The following ZNF382 variants were observed in gnomAD, a reference collection of about 807,000 sequenced individuals.
ZNF382 encodes the protein zinc finger protein 382.
A neutral mutation model predicts 38.8 loss-of-function variants in ZNF382; 20 were observed. The ratio of observed to expected loss-of-function variants is 0.51; its 90% confidence interval spans 0.36 to 0.75. The LOEUF (loss-of-function observed/expected upper bound fraction) is 0.75, where lower values mean the gene tolerates loss of function less well. Ranked by LOEUF, ZNF382 falls within the 30% of genes least tolerant of loss-of-function variation. ZNF382 has a pLI of 0.00. For synonymous variants in ZNF382, 202 were observed against 223.1 expected (o/e 0.91, Z 0.84); for missense variants, 546 against 654.1 (o/e 0.83, Z 1.80).
rs1033532701 is a variant in ZNF382, at chr19:36,628,534, A to G, written c.*984A>G. The G allele has an allele frequency of 2.0e-5, 3 of 152,820 alleles. No homozygotes were observed. Among genetic ancestry groups the G allele is most frequent in the African/African-American group, 7.2e-5 (3 of 41,464 alleles). The allele number at this position is 152,820 out of a possible 1,614,324, so 9.5% of individuals were successfully genotyped here. A position where few individuals can be genotyped will look rare whatever the true frequency, so the allele number is the denominator to read the frequency against. Reference sequence around the variant, plus strand: ...GAATGTGAATGTAATATATGTAGAAAAACATTTAGCCACAGCCCAAATCTT... The same window carrying G: ...GAATGTGAATGTAATATATGTAGAAGAACATTTAGCCACAGCCCAAATCTT... On this transcript the variant is annotated 3_prime_UTR_variant, in exon 5 of 5. Transcript: ENST00000292928.
At chr19:36,608,764 C>T (rs1479507045) in intron 2 of ZNF382, 1 of 152,260 alleles carries the variant, frequency 6.6e-6, no homozygotes, top group African/African-American at 2.4e-5. Context: ...CAAAGCTTAC[C>T]TCATTACTTC....
chr19:36,615,090 C>A (rs1327660956), intron 4 of ZNF382, among the ~76,000 whole-genome samples: 1 of 148,714 alleles, frequency 6.7e-6, no homozygotes, highest in Non-Finnish European at 1.5e-5. Context: ...TCAAATGATT[C>A]TTGTGCTTCA....
At position 36,626,385 on chromosome 19, in the gene ZNF382, AC is replaced by A. The variant is rs781264235; in HGVS notation, c.489del (p.Asp163GlufsTer21). The stretch of plus-strand genomic sequence containing the variant: ...AGCCCCATAAAAGAGAAGTTTGGTG[AC>A]AGTACTGGATGGGAGAAATCACTCC... ...NISPIKEKFG[D>X]STGWEKSLLN... On this transcript the variant is annotated frameshift_variant, in exon 5 of 5. Coordinates refer to ENST00000292928, the MANE Select transcript of ZNF382 (RefSeq NM_032825.5). LOFTEE classifies it high-confidence loss of function. The A allele has an allele frequency of 6.3e-7, 1 of 1,583,890 alleles. No individual in the cohort carries two copies. The highest frequency in any genetic ancestry group is 1.2e-5 in the South Asian group (1 of 84,940).
intron 3 of ZNF382, 106 bp from the exon 4 acceptor site, chr19:36,610,544 C>T (rs2037068879): frequency 1.3e-6 from 1 of 746,874 alleles, no homozygotes. Flanking sequence ...TTTGGTAAGA[C>T]ATTAATGTAT....
Position 36,627,645 on chromosome 19 carries a change from A to C in ZNF382, c.*95A>C, listed in dbSNP as rs1209373363. ...GTAATATCCAACAGTTTAAGGTACTATACCACATGGTAACCTACTGTTTGC... is the reference window on the plus strand; with the variant it reads ...GTAATATCCAACAGTTTAAGGTACTCTACCACATGGTAACCTACTGTTTGC... On this transcript the variant is annotated 3_prime_UTR_variant, in exon 5 of 5. Transcript: ENST00000292928. 1.3e-5 allele frequency: 11 copies of C among 839,074 alleles called. No homozygotes were observed. Among genetic ancestry groups the C allele is most frequent in the Non-Finnish European group, 1.9e-5 (10 of 536,734 alleles). 52.0% of individuals were successfully genotyped at this position (839,074 alleles called of 1,614,324 possible).
intron 1 of ZNF382, 23 bp from the exon 2 acceptor site, chr19:36,607,529 A>C: frequency 7.2e-7 from 1 of 1,397,820 alleles, no homozygotes; most frequent in East Asian, 2.5e-5. Flanking sequence ...ACATACGTAT[A>C]TCCTCCATCT....
At chr19:36,616,972 A>G (rs2145323218) in intron 4 of ZNF382, among the ~76,000 whole-genome samples, 1 of 152,164 alleles carries the variant, frequency 6.6e-6, no homozygotes, top group Admixed American at 6.5e-5. Flanking sequence ...TGAAGGGACA[A>G]TCAGAGGTGG....
Position 36,628,109 on chromosome 19 carries a change from A to G in ZNF382, c.*559A>G, listed in dbSNP as rs576662920. 1 of 152,726 alleles carries G rather than the reference A, an allele frequency of 6.5e-6. No homozygotes were observed. Among genetic ancestry groups the G allele is most frequent in the South Asian group, 2.1e-4 (1 of 4,852 alleles). The allele number at this position is 152,726 out of a possible 1,614,324, so 9.5% of individuals were successfully genotyped here. ...TCATATACAGCTTATTACCTTCATC[A>G]TGTCCGTGAGTCTAATCATTAGTAC... On this transcript the variant is annotated 3_prime_UTR_variant, in exon 5 of 5. Transcript: ENST00000292928.
At position 36,627,623 on chromosome 19, in the gene ZNF382, A is replaced by G. The variant is rs1029313657; in HGVS notation, c.*73A>G. ...GTAGATGATGTTGCTTGCAAGCGTA[A>G]TATCCAACAGTTTAAGGTACTATAC... On this transcript the variant is annotated 3_prime_UTR_variant, in exon 5 of 5. Coordinates refer to ENST00000292928, the MANE Select transcript of ZNF382 (RefSeq NM_032825.5). 3 of 1,161,228 alleles carry G rather than the reference A, an allele frequency of 2.6e-6. No individual in the cohort carries two copies. Among genetic ancestry groups the G allele is most frequent in the African/African-American group, 3.1e-5 (2 of 65,030 alleles). The allele number at this position is 1,161,228 out of a possible 1,614,324, so 71.9% of individuals were successfully genotyped here. A position where few individuals can be genotyped will look rare whatever the true frequency, so the allele number is the denominator to read the frequency against.
chr19:36,626,049 C>G (rs1432046638), intron 4 of ZNF382, 81 bp from the exon 5 acceptor site: 24 of 987,998 alleles, frequency 2.4e-5, no homozygotes, highest in Non-Finnish European at 3.2e-5. Context: ...GTGAGATAGT[C>G]CCACCATAGT....
intron 4 of ZNF382, among the ~76,000 whole-genome samples, chr19:36,623,793 C>CAA (rs11454382): frequency 0.015 from 1,927 of 131,930 alleles, 35 homozygotes; most frequent in African/African-American, 0.036. Flanking sequence ...GACTCTGTCT[C>CAA]AAAAAAAAAA....
intron 4 of ZNF382, among the ~76,000 whole-genome samples, chr19:36,616,988 G>C (rs1046242159): frequency 1.3e-5 from 2 of 152,102 alleles, no homozygotes; most frequent in African/African-American, 4.8e-5. Context: ...GGTGGTGAGA[G>C]GAGGAAGGAG....
At chr19:36,623,636 C>G (rs769739467) in intron 4 of ZNF382, among the ~76,000 whole-genome samples, 17 of 151,828 alleles carry the variant, frequency 1.1e-4, no homozygotes, top group African/African-American at 1.7e-4. Context: ...CTAAAAAATA[C>G]AAAAAACATC....
Position 36,630,030 on chromosome 19 carries a change from A to G in ZNF382, c.*2480A>G, listed in dbSNP as rs563252862. The stretch of plus-strand genomic sequence containing the variant: ...ATTTTGGCATGAAGAAAAACTGGCC[A>G]TAAAATACAGTTGAAGATTTGGCTG... On this transcript the variant is annotated 3_prime_UTR_variant, in exon 5 of 5. Coordinates refer to ENST00000292928, the MANE Select transcript of ZNF382 (RefSeq NM_032825.5). The G allele has an allele frequency of 6.6e-6, 1 of 152,370 alleles. No individual in the cohort carries two copies. Among genetic ancestry groups the G allele is most frequent in the Non-Finnish European group, 1.5e-5 (1 of 68,036 alleles). 9.4% of individuals were successfully genotyped at this position (152,370 alleles called of 1,614,324 possible).
Position 36,626,689 on chromosome 19 carries a change from A to G in ZNF382, c.792A>G (p.Glu264=), listed in dbSNP as rs1568632578. 1 of 1,613,942 alleles carries G rather than the reference A, an allele frequency of 6.2e-7. No individual in the cohort carries two copies. Among genetic ancestry groups the G allele is most frequent in the East Asian group, 2.2e-5 (1 of 44,882 alleles). The change falls in exon 5 of 5, where the codon GAA becomes GAG. Residue 264 remains glutamate, a synonymous_variant. Transcript: ENST00000292928. ...GTGTCCATCCAAGTAATCTTATGGA[A>G]AAGAAGCCCTCTGCCTACAACAAAT... ...SLSVHPSNLM[E]KKPSAYNKYG...
intron 4 of ZNF382, among the ~76,000 whole-genome samples, chr19:36,613,495 C>G (rs903902060): frequency 6.8e-6 from 1 of 148,028 alleles, no homozygotes; most frequent in Non-Finnish European, 1.5e-5. Context: ...GTGATCTCAA[C>G]TCACCGCAAC....
In ZNF382 at chr19:36,627,138, G is replaced by T; in HGVS notation, c.1241G>T (p.Gly414Val). 6.2e-7 allele frequency: 1 copy of T among 1,614,106 alleles called. No homozygotes were observed. ...AAACCGTATCAGTGTAATGAGTGTG[G>T]GAAGGCATTTATCCAGAAGACAACC... ...GEKPYQCNEC[G>V]KAFIQKTTLT... Residue 414 changes from glycine (G) to valine (V), a missense_variant, in exon 5 of 5, where the codon GGG (glycine) becomes GTG (valine). By Grantham distance (109) the Gly-to-Val change is moderately radical. Transcript: ENST00000292928.
In ZNF382 at chr19:36,627,188, A is replaced by G; in HGVS notation, c.1291A>G (p.Thr431Ala). 6.2e-7 allele frequency: 1 copy of G among 1,614,200 alleles called. No homozygotes were observed. Among genetic ancestry groups the G allele is most frequent in the Non-Finnish European group, 8.5e-7 (1 of 1,180,040 alleles). ...CCTCACTGTTCATCAGAGAACTCAC[A>G]CAGGAGAGAAACCCTATATTTGCAA... ...TTLTVHQRTH[T>A]GEKPYICNEC... Residue 431 changes from threonine to alanine, a missense_variant, in exon 5 of 5, where the codon ACA (threonine) becomes GCA (alanine). By Grantham distance (58) the Thr-to-Ala change is moderately conservative. Coordinates refer to ENST00000292928, the MANE Select transcript of ZNF382 (RefSeq NM_032825.5).
intron 4 of ZNF382, among the ~76,000 whole-genome samples, chr19:36,617,815 T>G (rs3108604): frequency 0.34 from 51,997 of 151,818 alleles, 9,172 homozygotes; most frequent in South Asian, 0.44. Flanking sequence ...TGAGGAGAGA[T>G]ATCAGATATT....
Sources: gnomAD v4.1 joint callset for allele counts (sites outside exome capture counted in the v4.1 genomes callset) on GRCh38, gnomAD v4.1.1 for gene constraint, MANE v1.5 for transcripts, NCBI Gene and HGNC (gene_info 2026-07-23, HGNC 2026-07-21) for gene names.